GNG12: variants seen among roughly 807,000 people sequenced by gnomAD.
GNG12 encodes the protein G protein subunit gamma 12.
For missense variants in GNG12, 69 were observed against 83.8 expected, an observed-to-expected ratio of 0.82 and a Z score of 0.69; for synonymous variants, 28 against 29.7, an observed-to-expected ratio of 0.94 and a Z score of 0.19.
At chr1:67,825,611 G>A (rs941918734) in intron 1 of GNG12, among the ~76,000 whole-genome samples, 13 of 152,254 alleles carry the variant, frequency 8.5e-5, no homozygotes, top group Middle Eastern at 6.8e-3. Context: ...ACAAGACTCC[G>A]CACCTTTTAA....
At chr1:67,761,705 G>T (rs972158275) in intron 2 of GNG12, among the ~76,000 whole-genome samples, 1 of 152,054 alleles carries the variant, frequency 6.6e-6, no homozygotes, top group Admixed American at 6.5e-5. Context: ...ATCCGAGATC[G>T]GCAAACTCTC....
chr1:67,722,189 T>C (rs1158762798), intron 2 of GNG12, among the ~76,000 whole-genome samples: 1 of 152,032 alleles, frequency 6.6e-6, no homozygotes, highest in African/African-American at 2.4e-5. Flanking sequence ...AACTGGCACA[T>C]GGTGCTGCAT....
intron 2 of GNG12, 38 bp from the exon 3 acceptor site, chr1:67,707,750 C>G: frequency 1.0e-6 from 1 of 990,350 alleles, no homozygotes. Context: ...TAACAGGCAT[C>G]TTTAAGTTAT....
chr1:67,774,259 T>C (rs1389601788), intron 2 of GNG12, among the ~76,000 whole-genome samples: 1 of 152,218 alleles, frequency 6.6e-6, no homozygotes, highest in East Asian at 1.9e-4. Context: ...AGCAAATGAA[T>C]AGCCTCTCTC....
intron 2 of GNG12, among the ~76,000 whole-genome samples, chr1:67,751,262 T>C (rs1159900949): frequency 6.6e-6 from 1 of 152,044 alleles, no homozygotes; most frequent in African/African-American, 2.4e-5. Flanking sequence ...CTAAAAATAT[T>C]TATTAGCCAT....
intron 1 of GNG12, among the ~76,000 whole-genome samples, chr1:67,785,589 T>C (rs1646763246): frequency 6.6e-6 from 1 of 152,154 alleles, no homozygotes; most frequent in Admixed American, 6.6e-5. Flanking sequence ...GAGCACTCGT[T>C]CGATGTTTTA....
At chr1:67,760,327 C>T (rs1646594764) in intron 2 of GNG12, among the ~76,000 whole-genome samples, 2 of 152,152 alleles carry the variant, frequency 1.3e-5, no homozygotes, top group African/African-American at 4.8e-5. Flanking sequence ...AACTAGCTTC[C>T]AATAACTGTA....
chr1:67,759,885 T>G (rs1646592262), intron 2 of GNG12, among the ~76,000 whole-genome samples: 1 of 152,016 alleles, frequency 6.6e-6, no homozygotes, highest in Non-Finnish European at 1.5e-5. Context: ...TTCCAAGGAG[T>G]TCTGGTGTCC....
chr1:67,760,884 T>C (rs994758310), intron 2 of GNG12, among the ~76,000 whole-genome samples: 6 of 152,236 alleles, frequency 3.9e-5, no homozygotes, highest in Non-Finnish European at 7.3e-5. Context: ...TTAAGGACTC[T>C]GCTTCAAGAG....
rs1409816753 is a variant in GNG12 at position 67,705,309 on chromosome 1, A to G, written c.*142T>C. On this transcript the variant is annotated 3_prime_UTR_variant, in exon 4 of 4. Transcript: ENST00000370982. ...AGAGAAAGGACAACTTGGAAAATAG[A>G]GACTTCAGAGTCCATTATTCCAAGC... is the stretch of plus-strand genomic sequence containing the variant. 1 of 1,278,436 alleles carries G rather than the reference A, an allele frequency of 7.8e-7. No homozygotes were observed. Among genetic ancestry groups the G allele is most frequent in the South Asian group, 1.7e-5 (1 of 57,572 alleles). The allele number at this position is 1,278,436 out of a possible 1,614,324, so 79.2% of individuals were successfully genotyped here.
In GNG12 at chr1:67,705,451, C is replaced by G. The variant is rs1367401164; in HGVS notation, c.219G>C (p.Ter73TyrextTer33). ...GGCGAGGAGCTGTTTCTCTATTCCACTATAAGATGATGCAAGTTTTTTTAT... is the reference window on the plus strand; with the variant it reads ...GGCGAGGAGCTGTTTCTCTATTCCAGTATAAGATGATGCAAGTTTTTTTAT... ...FKDKKTCIIL[*>Y] Residue 73 changes from the stop codon to tyrosine (Y), a stop_lost, in exon 4 of 4, where the codon TAG (stop) becomes TAC (tyrosine). Transcript: ENST00000370982. 1.2e-6 allele frequency: 2 copies of G among 1,613,856 alleles called. No homozygotes were observed. Among genetic ancestry groups the G allele is most frequent in the South Asian group, 1.1e-5 (1 of 91,028 alleles).
intron 1 of GNG12, among the ~76,000 whole-genome samples, chr1:67,792,136 G>A (rs947031306): frequency 2.0e-5 from 3 of 152,054 alleles, no homozygotes; most frequent in South Asian, 2.1e-4. Flanking sequence ...TTCTTGGTAC[G>A]TACCCCTTCC....
At chr1:67,738,068 C>T (rs1314531916) in intron 2 of GNG12, among the ~76,000 whole-genome samples, 4 of 152,110 alleles carry the variant, frequency 2.6e-5, no homozygotes, top group Admixed American at 2.0e-4. Context: ...TCCTGGGTAG[C>T]TGGGACAGGT....
Position 67,833,456 on chromosome 1 carries a change from C to T in GNG12, c.-189G>A. The T allele has an allele frequency of 1.0e-6, 1 of 985,572 alleles. No individual in the cohort carries two copies. Among genetic ancestry groups the T allele is most frequent in the African/African-American group, 1.7e-5 (1 of 57,266 alleles). The allele number at this position is 985,572 out of a possible 1,614,324, so 61.1% of individuals were successfully genotyped here. On this transcript the variant is annotated 5_prime_UTR_variant, in exon 1 of 4. Transcript: ENST00000370982. ...CTCCTCTTGCTCCTCCGGGCGCCGG[C>T]TCCGCCTCGCTGGGGTGGGCGGGGC...
At chr1:67,713,423 T>C (rs1234292696) in intron 2 of GNG12, among the ~76,000 whole-genome samples, 2 of 152,318 alleles carry the variant, frequency 1.3e-5, no homozygotes, top group African/African-American at 4.8e-5. Flanking sequence ...CCTAGGAACA[T>C]GATGGTCCAT....
chr1:67,720,957 T>C (rs1646353330), intron 2 of GNG12, among the ~76,000 whole-genome samples: 5 of 152,168 alleles, frequency 3.3e-5, no homozygotes, highest in Admixed American at 2.0e-4. Context: ...AAGACCATGG[T>C]AAAGTTAGTT....
intron 1 of GNG12, among the ~76,000 whole-genome samples, chr1:67,778,057 ATATT>A (rs1646716456): frequency 6.7e-6 from 1 of 149,848 alleles, no homozygotes; most frequent in African/African-American, 2.4e-5. Context: ...AATATTGAAT[ATATT>A]TAATAATAGA....
At chr1:67,730,157 G>C (rs1013959545) in intron 2 of GNG12, among the ~76,000 whole-genome samples, 4 of 152,178 alleles carry the variant, frequency 2.6e-5, no homozygotes, top group African/African-American at 9.7e-5. Flanking sequence ...ACATAATATG[G>C]ATGAGTCTCG....
At chr1:67,742,231 T>G (rs921103618) in intron 2 of GNG12, among the ~76,000 whole-genome samples, 7 of 152,214 alleles carry the variant, frequency 4.6e-5, no homozygotes, top group Non-Finnish European at 1.0e-4. Context: ...CACCACAATG[T>G]GCATTAATCA....
Sources: gnomAD v4.1 joint callset for allele counts (sites outside exome capture counted in the v4.1 genomes callset) on GRCh38, gnomAD v4.1.1 for gene constraint, MANE v1.5 for transcripts, NCBI Gene and HGNC (gene_info 2026-07-23, HGNC 2026-07-21) for gene names.